The following PLXNA4 variants were observed in gnomAD, a reference collection of about 807,000 sequenced individuals.
PLXNA4 encodes plexin A4.
PLXNA4 carries 44 observed loss-of-function variants against 191.8 expected under a neutral mutation model. The observed-to-expected ratio is 0.23, with a 90% CI of 0.18 to 0.29. The LOEUF (loss-of-function observed/expected upper bound fraction) is 0.29. Among genes scored for constraint, PLXNA4 ranks in the 10% least tolerant of loss-of-function variants. The pLI is 1.00. For synonymous variants in PLXNA4, 1,082 were observed against 1,009.5 expected, an observed-to-expected ratio of 1.07 and a Z score of -1.36; for missense variants, 1,800 against 2,488.8, an observed-to-expected ratio of 0.72 and a Z score of 5.89.
At chr7:132,489,190 C>T in intron 3 of PLXNA4, 102 bp downstream of exon 3, 9 of 1,258,342 alleles carry the variant, frequency 7.2e-6, no homozygotes, top group Non-Finnish European at 9.9e-6. Context: ...TCTGTATCAC[C>T]TGCCCACACG....
At chr7:132,232,324 A>G (rs1052937757) in intron 5 of PLXNA4, among the ~76,000 whole-genome samples, 1 of 152,160 alleles carries the variant, frequency 6.6e-6, no homozygotes, top group Non-Finnish European at 1.5e-5. Context: ...AGGTAGGAAA[A>G]CTAGAGCTGA....
chr7:132,161,552 G>T (rs555616937), intron 24 of PLXNA4, among the ~76,000 whole-genome samples: 2 of 152,350 alleles, frequency 1.3e-5, no homozygotes, highest in East Asian at 3.9e-4. Flanking sequence ...AGGAGGTCTG[G>T]GATGGGGCCT....
intron 3 of PLXNA4, among the ~76,000 whole-genome samples, chr7:132,366,642 T>A (rs187093858): frequency 7.1e-4 from 108 of 152,324 alleles, no homozygotes; most frequent in African/African-American, 2.6e-3. Context: ...GAATGACTGA[T>A]GTTGCAGAAA....
rs567252936 is a variant in PLXNA4, at chr7:132,427,158, G to C, written c.1371+62134C>G. 8.5e-4 allele frequency among the ~76,000 whole-genome samples: 129 copies of C among 152,322 alleles called. 1 individual carries two copies. Among genetic ancestry groups the C allele is most frequent in the Admixed American group, 8.3e-3 (127 of 15,312 alleles). The stretch of plus-strand genomic sequence containing the variant: ...ACTGCAATGCTGTCTCTTCTGCCAG[G>C]GCAGAGGGAAGAGCTTCTGGGAGAC... On this transcript the variant is annotated intron_variant, in intron 3 of 31. Coordinates refer to ENST00000321063, the MANE Select transcript of PLXNA4 (RefSeq NM_020911.2).
At chr7:132,582,317 C>G (rs1802417035) in intron 2 of PLXNA4, among the ~76,000 whole-genome samples, 2 of 152,148 alleles carry the variant, frequency 1.3e-5, no homozygotes, top group Non-Finnish European at 2.9e-5. Flanking sequence ...ATGCTCTTGC[C>G]TGGTAACACA....
chr7:132,637,391 C>G (rs1412747207), intron 2 of PLXNA4, among the ~76,000 whole-genome samples: 1 of 152,196 alleles, frequency 6.6e-6, no homozygotes, highest in Non-Finnish European at 1.5e-5. Flanking sequence ...AGAGCAGGGT[C>G]CTGCACATAC....
chr7:132,164,404 C>A (rs1257466002), intron 23 of PLXNA4, 116 bp from the exon 24 acceptor site: 2 of 1,441,786 alleles, frequency 1.4e-6, no homozygotes, highest in Non-Finnish European at 1.8e-6. Flanking sequence ...CACCTGCCCC[C>A]ACCTGCTTTT....
At chr7:132,346,752 G>A (rs567597337) in intron 3 of PLXNA4, among the ~76,000 whole-genome samples, 1 of 152,198 alleles carries the variant, frequency 6.6e-6, no homozygotes, top group South Asian at 2.1e-4. Context: ...TTAGAGATGA[G>A]TTCTGGAGAA....
chr7:132,272,177 T>C (rs951676631), intron 4 of PLXNA4, among the ~76,000 whole-genome samples: 1 of 152,240 alleles, frequency 6.6e-6, no homozygotes, highest in Admixed American at 6.5e-5. Context: ...ACATGTTTTA[T>C]GTCCTTCAGT....
chr7:132,533,385 C>G (rs1021615101), intron 1 of PLXNA4, among the ~76,000 whole-genome samples: 1 of 152,048 alleles, frequency 6.6e-6, no homozygotes, highest in Non-Finnish European at 1.5e-5. Flanking sequence ...GTGCAAGGCC[C>G]CCAACATGAA....
intron 22 of PLXNA4, 51 bp from the exon 23 acceptor site, chr7:132,165,251 G>C (rs759151504): frequency 2.5e-6 from 4 of 1,590,324 alleles, no homozygotes; most frequent in East Asian, 4.5e-5. Context: ...GAAAGAAGCA[G>C]CTGGTCAGAG....
intron 25 of PLXNA4, among the ~76,000 whole-genome samples, chr7:132,153,711 G>A (rs1171010017): frequency 1.3e-5 from 2 of 152,160 alleles, no homozygotes; most frequent in African/African-American, 4.8e-5. Context: ...CTCTTGAAGA[G>A]TCCCCTACCT....
intron 3 of PLXNA4, chr7:132,367,548 G>A (rs1358915888): frequency 6.6e-6 from 1 of 151,790 alleles, no homozygotes; most frequent in Non-Finnish European, 1.5e-5. Flanking sequence ...GTGGGGTGGG[G>A]AGCGGGGGAT....
intron 9 of PLXNA4, among the ~76,000 whole-genome samples, chr7:132,222,809 A>G (rs1798190800): frequency 6.6e-6 from 1 of 152,202 alleles, no homozygotes; most frequent in South Asian, 2.1e-4. Context: ...GTTCAAGAAG[A>G]ATAAAAATTC....
intron 2 of PLXNA4, among the ~76,000 whole-genome samples, chr7:132,496,360 C>T (rs555462923): frequency 1.3e-5 from 2 of 152,216 alleles, no homozygotes; most frequent in African/African-American, 2.4e-5. Flanking sequence ...TACCAAAACC[C>T]CAAATTCCTG....
intron 4 of PLXNA4, among the ~76,000 whole-genome samples, chr7:132,245,588 C>A (rs1799022389): frequency 6.6e-6 from 1 of 152,204 alleles, no homozygotes; most frequent in Non-Finnish European, 1.5e-5. Context: ...CTGGGTACAC[C>A]TGCAAAACAA....
intron 29 of PLXNA4, among the ~76,000 whole-genome samples, chr7:132,141,961 C>T (rs1181066102): frequency 4.6e-5 from 7 of 152,176 alleles, no homozygotes; most frequent in Non-Finnish European, 1.0e-4. Context: ...AACTCCTGAT[C>T]TCAGTTGATC....
At chr7:132,631,216 CT>C (rs1415913309) in intron 2 of PLXNA4, among the ~76,000 whole-genome samples, 2 of 151,934 alleles carry the variant, frequency 1.3e-5, no homozygotes, top group East Asian at 3.9e-4. Flanking sequence ...AATTGCTTCC[CT>C]TTACTTTCTT....
chr7:132,391,671 G>A (rs1331317142), intron 3 of PLXNA4, among the ~76,000 whole-genome samples: 1 of 152,174 alleles, frequency 6.6e-6, no homozygotes, highest in Non-Finnish European at 1.5e-5. Context: ...CTAAAAGTGG[G>A]GAACCAGTGT....
Sources: gnomAD v4.1 joint callset for allele counts (sites outside exome capture counted in the v4.1 genomes callset) on GRCh38, gnomAD v4.1.1 for gene constraint, MANE v1.5 for transcripts, NCBI Gene and HGNC (gene_info 2026-07-23, HGNC 2026-07-21) for gene names.